PTPRG: variants seen among roughly 807,000 people sequenced by gnomAD.
The protein encoded by PTPRG is receptor-type tyrosine-protein phosphatase gamma.
In PTPRG, 102 loss-of-function variants were observed where a neutral mutation model predicts 165.3. The ratio of observed to expected loss-of-function variants is 0.62; its 90% CI spans 0.53 to 0.73. PTPRG has a LOEUF of 0.73. Among genes scored for constraint, PTPRG ranks in the 30% least tolerant of loss-of-function variants. The pLI, the probability that PTPRG is intolerant of heterozygous loss-of-function variation, is 0.00. For synonymous variants in PTPRG, 675 were observed against 669.5 expected, an observed-to-expected ratio of 1.01 and a Z score of -0.13; for missense variants, 1,866 against 1,861.4, an observed-to-expected ratio of 1.00 and a Z score of -0.05.
At chr3:62,091,253 CTG>C (rs1268138780) in intron 5 of PTPRG, among the ~76,000 whole-genome samples, 1 of 152,178 alleles carries the variant, frequency 6.6e-6, no homozygotes, top group Non-Finnish European at 1.5e-5. Flanking sequence ...TTGCAGTTGG[CTG>C]TGAGACAAAG....
chr3:62,122,140 A>C (rs1703098264), intron 5 of PTPRG, among the ~76,000 whole-genome samples: 1 of 152,086 alleles, frequency 6.6e-6, no homozygotes, highest in African/African-American at 2.4e-5. Context: ...GTAACCCCCC[A>C]CCCTGAAAAA....
intron 1 of PTPRG, among the ~76,000 whole-genome samples, chr3:61,649,014 TTATTACCA>T (rs1262342114): frequency 6.6e-6 from 1 of 152,204 alleles, no homozygotes; most frequent in African/African-American, 2.4e-5. Context: ...ATATGTGAGT[TTATTACCA>T]AGGTTAAAAA....
intron 3 of PTPRG, among the ~76,000 whole-genome samples, 171 bp from the exon 4 acceptor site, chr3:62,003,178 G>C (rs2041214532): frequency 6.6e-6 from 1 of 152,112 alleles, no homozygotes; most frequent in African/African-American, 2.4e-5. Context: ...GCATTCTGCA[G>C]CTAGAATGAA....
chr3:62,021,857 C>CTTTTTTTTTTTTTTTTTTT (rs398062374), intron 4 of PTPRG, among the ~76,000 whole-genome samples: 5 of 97,080 alleles, frequency 5.2e-5, no homozygotes, highest in East Asian at 3.0e-4. Flanking sequence ...TTTTCCTTTT[C>CTTTTTTTTTTTTTTTTTTT]TTTTTTTTTT....
chr3:62,201,351 G>A (rs1380504909), intron 10 of PTPRG, among the ~76,000 whole-genome samples, 154 bp from the exon 11 acceptor site: 1 of 152,118 alleles, frequency 6.6e-6, no homozygotes, highest in African/African-American at 2.4e-5. Flanking sequence ...AAGCCAAGAA[G>A]GGCTTTATAT....
intron 1 of PTPRG, chr3:61,739,339 C>T (rs901612415): frequency 6.6e-6 from 1 of 152,124 alleles, no homozygotes; most frequent in Non-Finnish European, 1.5e-5. Flanking sequence ...TTATCTTAGA[C>T]AATTGCCAAT....
At chr3:61,900,519 C>T (rs1316442727) in intron 2 of PTPRG, among the ~76,000 whole-genome samples, 1 of 152,126 alleles carries the variant, frequency 6.6e-6, no homozygotes, top group Non-Finnish European at 1.5e-5. Flanking sequence ...GGTGTGTTTT[C>T]CTGTCATTCA....
chr3:61,637,628 A>C lies in PTPRG; in HGVS notation c.85+75256A>C, dbSNP rs536628677. The stretch of plus-strand genomic sequence containing the variant: ...GAAGCGAAGTTGTTTGTGATGCCGG[A>C]GCACACACCTGCGGGAACTGTAGAC... On this transcript the variant is annotated intron_variant, in intron 1 of 29. Coordinates refer to ENST00000474889, the MANE Select transcript of PTPRG (RefSeq NM_002841.4). Among the ~76,000 whole-genome samples, 7 of 152,280 alleles carry C rather than the reference A, an allele frequency of 4.6e-5. No individual in the cohort carries two copies. The South Asian group carries it at 6.2e-4, about 14-fold the overall frequency.
In PTPRG at chr3:62,219,037, T is replaced by C; in HGVS notation, c.2288+54T>C. 6 of 1,600,670 alleles carry C rather than the reference T, an allele frequency of 3.7e-6. No individual in the cohort carries two copies. In the South Asian group the frequency reaches 6.8e-5, roughly 18 times the overall value. ...TTTGGGGGCCAGATGCTGGCCAGGT[T>C]TTGCTCACGGGAGGGGAATCCCACG... On this transcript the variant is annotated intron_variant, in intron 13 of 29. Coordinates refer to ENST00000474889, the MANE Select transcript of PTPRG (RefSeq NM_002841.4). This position sits in a 1 kb window ranked among gnomAD's most constrained non-coding sequence, Gnocchi z 4.5.
At chr3:61,592,641 C>CTTTT (rs773860673) in intron 1 of PTPRG, among the ~76,000 whole-genome samples, 1,451 of 139,182 alleles carry the variant, frequency 0.01, 31 homozygotes, top group African/African-American at 0.018. Context: ...TTCTTTCTTT[C>CTTTT]TTTCTTTCTT....
intron 4 of PTPRG, 72 bp downstream of exon 4, chr3:62,003,569 C>T (rs184720236): frequency 1.9e-6 from 3 of 1,564,728 alleles, no homozygotes; most frequent in South Asian, 2.4e-5. Context: ...TGTGCCCTTA[C>T]CCTCAGTCAT....
chr3:61,808,627 C>T (rs936595489), intron 2 of PTPRG, among the ~76,000 whole-genome samples: 7 of 152,148 alleles, frequency 4.6e-5, no homozygotes, highest in South Asian at 2.1e-4. Flanking sequence ...TTCGCAAAAT[C>T]GCACAAAGAT....
Position 61,972,617 on chromosome 3 carries a change from C to T in PTPRG, c.191-17008C>T, listed in dbSNP as rs182581522. On this transcript the variant is annotated intron_variant, in intron 2 of 29. Coordinates refer to ENST00000474889, the MANE Select transcript of PTPRG (RefSeq NM_002841.4). ...GAGTAGTTTCTGGATCTCTTTCTTCCCTCCCCTCCCCTCTTCGTTCTTTTT... is the reference window on the plus strand; with the variant it reads ...GAGTAGTTTCTGGATCTCTTTCTTCTCTCCCCTCCCCTCTTCGTTCTTTTT... 4.6e-5 allele frequency among the ~76,000 whole-genome samples: 7 copies of T among 151,366 alleles called. No homozygotes were observed. In the East Asian group the frequency reaches 1.4e-3, roughly 29 times the overall value.
intron 5 of PTPRG, among the ~76,000 whole-genome samples, chr3:62,114,542 A>T (rs1288555231): frequency 1.3e-5 from 2 of 152,168 alleles, no homozygotes; most frequent in Non-Finnish European, 2.9e-5. Flanking sequence ...GTAGTAGCCA[A>T]AGTACTTCAT....
At chr3:62,048,557 A>T in intron 4 of PTPRG, among the ~76,000 whole-genome samples, 1 of 152,204 alleles carries the variant, frequency 6.6e-6, no homozygotes, top group Non-Finnish European at 1.5e-5. Context: ...AGGGTTATCC[A>T]CCAGAAGGGC....
Position 62,210,974 on chromosome 3 carries a change from C to T in PTPRG, c.2155+7024C>T, listed in dbSNP as rs1700345209. 6.6e-6 allele frequency among the ~76,000 whole-genome samples: 1 copy of T among 152,072 alleles called. No homozygotes were observed. The highest frequency in any genetic ancestry group is 2.1e-4 in the South Asian group (1 of 4,818). On this transcript the variant is annotated intron_variant, in intron 12 of 29. Coordinates refer to ENST00000474889, the MANE Select transcript of PTPRG (RefSeq NM_002841.4). The surrounding 1 kb of genome is among the most constrained non-coding windows in gnomAD (Gnocchi z 4.1). ...TTCTGACTATTCAGGGATTAGCACC[C>T]CTAATGCCTATGTTGTTGGTGGGTT...
chr3:61,572,044 A>G (rs7621604), intron 1 of PTPRG, among the ~76,000 whole-genome samples: 57,291 of 152,066 alleles, frequency 0.38, 11,840 homozygotes, highest in Admixed American at 0.46. Context: ...GTCTTTTTGC[A>G]GTATGCAAGT....
chr3:61,600,496 C>T (rs1234901262), intron 1 of PTPRG, among the ~76,000 whole-genome samples: 1 of 152,028 alleles, frequency 6.6e-6, no homozygotes, highest in Non-Finnish European at 1.5e-5. Flanking sequence ...GTCTTTTGAA[C>T]TTCTTACTAA....
intron 1 of PTPRG, among the ~76,000 whole-genome samples, chr3:61,640,250 G>A (rs923615538): frequency 1.3e-5 from 2 of 152,114 alleles, no homozygotes; most frequent in Non-Finnish European, 2.9e-5. Flanking sequence ...CATCCTTAAG[G>A]GAGAAATGTA....
Sources: allele counts gnomAD v4.1 joint callset (sites outside exome capture counted in the v4.1 genomes callset), GRCh38; gene constraint gnomAD v4.1.1; non-coding constraint Gnocchi (gnomAD v3.1); transcripts MANE v1.5; gene names NCBI Gene and HGNC (gene_info 2026-07-23, HGNC 2026-07-21).